Variants in ITGA9 observed in about 807,000 individuals in gnomAD.
ITGA9 encodes the protein integrin alpha-9.
In ITGA9, 56 loss-of-function variants were observed where a neutral mutation model predicts 127.8. That is an observed-to-expected ratio of 0.44 (90% CI 0.35 to 0.55). The LOEUF (loss-of-function observed/expected upper bound fraction) is 0.55, where lower values mean the gene tolerates loss of function less well. Among genes scored for constraint, ITGA9 ranks in the 20% least tolerant of loss-of-function variants. ITGA9 has a pLI of 0.00. For synonymous variants in ITGA9, 508 were observed against 514.5 expected, an observed-to-expected ratio of 0.99 and a Z score of 0.17; for missense variants, 1,196 against 1,347.1, an observed-to-expected ratio of 0.89 and a Z score of 1.76.
chr3:37,475,941 TGTG>T (rs1698489124), intron 3 of ITGA9, among the ~76,000 whole-genome samples: 1 of 152,198 alleles, frequency 6.6e-6, no homozygotes, highest in Non-Finnish European at 1.5e-5. Flanking sequence ...GTGAGTGGAG[TGTG>T]GTGTTCGTCC....
intron 22 of ITGA9, chr3:37,749,096 C>T (rs1269797226): frequency 1.4e-5 from 4 of 290,188 alleles, no homozygotes; most frequent in Non-Finnish European, 2.5e-5. Flanking sequence ...CCAAAATGGG[C>T]CCCGCTGGGC....
At chr3:37,612,924 G>A (rs1424210032) in intron 15 of ITGA9, among the ~76,000 whole-genome samples, 1 of 151,576 alleles carries the variant, frequency 6.6e-6, no homozygotes, top group African/African-American at 2.4e-5. Context: ...GCTGATCTGA[G>A]CCTTAAGACT....
chr3:37,508,593 C>G lies in ITGA9; in HGVS notation c.863C>G (p.Thr288Ser). ...YIFRADRRSGTLIKIFQASGK... is the reference protein window; with the variant it reads ...YIFRADRRSGSLIKIFQASGK... The stretch of plus-strand genomic sequence containing the variant: ...TTCAGAGCTGACCGAAGATCAGGCA[C>G]CTTAATTAAGATCTTTCAAGCATCA... Residue 288 changes from threonine to serine, a missense_variant, in exon 8 of 28, where the codon ACC becomes AGC. Thr to Ser is a moderately conservative substitution (Grantham distance 58). Coordinates refer to ENST00000264741, the MANE Select transcript of ITGA9 (RefSeq NM_002207.3). 1 of 1,613,620 alleles carries G rather than the reference C, an allele frequency of 6.2e-7. No homozygotes were observed. The highest frequency in any genetic ancestry group is 1.1e-5 in the South Asian group (1 of 91,068).
intron 15 of ITGA9, among the ~76,000 whole-genome samples, chr3:37,624,763 C>T (rs1388848219): frequency 6.6e-6 from 1 of 152,136 alleles, no homozygotes; most frequent in East Asian, 1.9e-4. Flanking sequence ...TGCTCCACCA[C>T]GCCCGGCTAA....
At position 37,748,283 on chromosome 3, in the gene ITGA9, A is replaced by G. The variant is rs1376514206; in HGVS notation, c.2434-2179A>G. The G allele has an allele frequency of 2.5e-5, 13 of 520,910 alleles. No individual in the cohort carries two copies. The East Asian group carries it at 5.0e-4, about 20-fold the overall frequency. 32.3% of individuals were successfully genotyped at this position (520,910 alleles called of 1,614,324 possible). On this transcript the variant is annotated intron_variant, in intron 22 of 27. Transcript: ENST00000264741. ...AAAGGAAGGCCCCGCAAGTATTACCATGGCTAAACTGAAAGAGTCTACGGT... is the reference window on the plus strand; with the variant it reads ...AAAGGAAGGCCCCGCAAGTATTACCGTGGCTAAACTGAAAGAGTCTACGGT...
chr3:37,748,051 A>AC (rs1456428435), intron 22 of ITGA9: 2 of 355,706 alleles, frequency 5.6e-6, no homozygotes, highest in Non-Finnish European at 1.1e-5. Context: ...CATTTCAATC[A>AC]CCCCCAAAAG....
At chr3:37,793,220 C>A (rs75993300) in intron 26 of ITGA9, among the ~76,000 whole-genome samples, 7,321 of 151,996 alleles carry the variant, frequency 0.048, 327 homozygotes, top group African/African-American at 0.11. Flanking sequence ...GGCTTCCATA[C>A]CCCCTCACTG....
chr3:37,484,165 T>A (rs1369727832), intron 4 of ITGA9, among the ~76,000 whole-genome samples: 4 of 152,200 alleles, frequency 2.6e-5, no homozygotes, highest in Non-Finnish European at 5.9e-5. Flanking sequence ...GCTAACCCAT[T>A]CATTGGCCCA....
intron 16 of ITGA9, among the ~76,000 whole-genome samples, chr3:37,630,346 G>C (rs562113074): frequency 9.8e-5 from 15 of 152,316 alleles, no homozygotes; most frequent in African/African-American, 3.4e-4. Context: ...GCCTGAGAAA[G>C]GGAATTGGGA....
chr3:37,777,170 A>T (rs901400784), intron 23 of ITGA9, among the ~76,000 whole-genome samples: 2 of 152,158 alleles, frequency 1.3e-5, no homozygotes, highest in African/African-American at 4.8e-5. Flanking sequence ...ATGCCATCTC[A>T]TCAATTATTG....
intron 15 of ITGA9, among the ~76,000 whole-genome samples, chr3:37,603,364 A>T (rs1434136624): frequency 6.6e-6 from 1 of 152,240 alleles, no homozygotes. Context: ...TATTATAAGT[A>T]ATCTAGAGAT....
rs1185284155 is a variant in ITGA9, at chr3:37,744,031, T to A, written c.2430T>A (p.Leu810=). 1.2e-6 allele frequency: 2 copies of A among 1,607,082 alleles called. No individual in the cohort carries two copies. The highest frequency in any genetic ancestry group is 1.7e-6 in the Non-Finnish European group (2 of 1,173,556). Residue 810 remains leucine, a synonymous_variant, in exon 22 of 28, where the codon CTT becomes CTA. Coordinates refer to ENST00000264741, the MANE Select transcript of ITGA9 (RefSeq NM_002207.3). ...ACTTTCAGCCCATCAATATCACCCT[T>A]CAGGTACCCACTCCTGGAGACCTCC... ...ECHFQPINIT[L]QVYNTGPSTL...
rs139621094 is a variant in ITGA9, at chr3:37,786,676, G to A, written c.2889+1598G>A. Among the ~76,000 whole-genome samples the A allele has an allele frequency of 1.2e-4, 18 of 152,224 alleles. No homozygotes were observed. In the East Asian group the frequency reaches 1.4e-3, roughly 11 times the overall value. On this transcript the variant is annotated intron_variant, in intron 26 of 27. Transcript: ENST00000264741. ...CCTCAATAAAACTTCAGTCCTGTCC[G>A]TTTTTGGTGAGCAAGAGATGAGAAC...
intron 4 of ITGA9, among the ~76,000 whole-genome samples, chr3:37,493,432 G>C (rs1698692607): frequency 1.3e-5 from 2 of 152,252 alleles, no homozygotes; most frequent in Admixed American, 1.3e-4. Context: ...GGAGTGGTCT[G>C]TGGAAGGTCT....
chr3:37,541,929 C>G (rs1213429808), intron 14 of ITGA9, among the ~76,000 whole-genome samples: 1 of 152,196 alleles, frequency 6.6e-6, no homozygotes, highest in African/African-American at 2.4e-5. Flanking sequence ...GAGCACGACT[C>G]AACTTTGTTG....
At chr3:37,556,147 C>T (rs1699428997) in intron 15 of ITGA9, among the ~76,000 whole-genome samples, 1 of 152,176 alleles carries the variant, frequency 6.6e-6, no homozygotes, top group African/African-American at 2.4e-5. Flanking sequence ...TGGGCCAGGC[C>T]AGGGTGGACC....
At chr3:37,600,599 G>A (rs1699913787) in intron 15 of ITGA9, among the ~76,000 whole-genome samples, 1 of 152,172 alleles carries the variant, frequency 6.6e-6, no homozygotes, top group South Asian at 2.1e-4. Flanking sequence ...GTTCAGCATT[G>A]AGATATGACA....
intron 18 of ITGA9, among the ~76,000 whole-genome samples, chr3:37,717,559 T>C (rs1701148163): frequency 6.6e-6 from 1 of 152,118 alleles, no homozygotes; most frequent in Non-Finnish European, 1.5e-5. Context: ...GCAAGAACCT[T>C]CTTCACATGG....
chr3:37,749,668 A>G (rs990504984), intron 22 of ITGA9: 4 of 152,198 alleles, frequency 2.6e-5, no homozygotes, highest in Admixed American at 2.0e-4. Context: ...TTGACTTCTG[A>G]AGACAGAAAA....
Sources: allele counts gnomAD v4.1 joint callset (sites outside exome capture counted in the v4.1 genomes callset), GRCh38; gene constraint gnomAD v4.1.1; transcripts MANE v1.5; gene names NCBI Gene and HGNC (gene_info 2026-07-23, HGNC 2026-07-21).